The following IFIT2 variants were observed in gnomAD, a reference collection of about 807,000 sequenced individuals.
The protein encoded by IFIT2 is interferon induced protein with tetratricopeptide repeats 2.
IFIT2 carries 3 observed loss-of-function variants against 2.5 expected under a neutral mutation model. That is an observed-to-expected ratio of 1.21 (90% CI 0.55 to 3.14). The LOEUF (loss-of-function observed/expected upper bound fraction) is 3.14, where lower values mean the gene tolerates loss of function less well. IFIT2 is among the 30% of genes most tolerant of loss of function. The pLI is 0.03. For synonymous variants in IFIT2, 212 were observed against 200.7 expected, an observed-to-expected ratio of 1.06 and a Z score of -0.48; for missense variants, 493 against 558.9, an observed-to-expected ratio of 0.88 and a Z score of 1.19.
chr10:89,303,827 A>T (rs1843460961), intron 1 of IFIT2, among the ~76,000 whole-genome samples: 1 of 152,236 alleles, frequency 6.6e-6, no homozygotes, highest in Non-Finnish European at 1.5e-5. Flanking sequence ...AGAGGGAGCA[A>T]GGAAGCTATA....
Position 89,309,055 on chromosome 10 carries a change from G to A in IFIT2, c.*1680G>A, listed in dbSNP as rs535406121. On this transcript the variant is annotated 3_prime_UTR_variant, in exon 2 of 2. Transcript: ENST00000371826. ...GACTGGTCTACTATCATAATCACCT[G>A]AACAGAACAAAACTTTTTCCTCAGC... is the stretch of plus-strand genomic sequence containing the variant. 6.6e-6 allele frequency: 1 copy of A among 152,264 alleles called. No individual in the cohort carries two copies. The highest frequency in any genetic ancestry group is 2.1e-4 in the South Asian group (1 of 4,818). The allele number at this position is 152,264 out of a possible 1,614,324, so 9.4% of individuals were successfully genotyped here. A position where few individuals can be genotyped will look rare whatever the true frequency, so the allele number is the denominator to read the frequency against.
In IFIT2 at chr10:89,308,384, G is replaced by A. The variant is rs1215676590; in HGVS notation, c.*1009G>A. The A allele has an allele frequency of 2.0e-5, 3 of 152,060 alleles. No individual in the cohort carries two copies. Among genetic ancestry groups the A allele is most frequent in the Admixed American group, 6.5e-5 (1 of 15,276 alleles). The allele number at this position is 152,060 out of a possible 1,614,324, so 9.4% of individuals were successfully genotyped here. On this transcript the variant is annotated 3_prime_UTR_variant, in exon 2 of 2. Transcript: ENST00000371826. ...TGCTTTCATGAACCTGGTTTGAGAC[G>A]GTAGGAAAGCAACAAAACGTGGGAA...
Position 89,307,146 on chromosome 10 carries a change from A to G in IFIT2, c.1190A>G (p.Glu397Gly). 1 of 1,614,080 alleles carries G rather than the reference A, an allele frequency of 6.2e-7. No homozygotes were observed. Among genetic ancestry groups the G allele is most frequent in the Non-Finnish European group, 8.5e-7 (1 of 1,179,940 alleles). ...CEDKAIHHFI[E>G]GVKINQKSRE... ...GACAAGGCCATCCACCACTTTATAG[A>G]GGGTGTAAAAATAAACCAGAAATCA... Residue 397 changes from glutamate to glycine, a missense_variant, in exon 2 of 2, where the codon GAG (glutamate) becomes GGG (glycine). Coordinates refer to ENST00000371826, the MANE Select transcript of IFIT2 (RefSeq NM_001547.5).
At chr10:89,302,222 A>C in intron 1 of IFIT2, 94 bp downstream of exon 1, 1 of 1,337,018 alleles carries the variant, frequency 7.5e-7, no homozygotes, top group Non-Finnish European at 1.1e-6. Context: ...GGCCAGCTCC[A>C]TTTTAGTGTT....
rs1177929623 is a variant in IFIT2, at chr10:89,307,145, G to A, written c.1189G>A (p.Glu397Lys). The change falls in exon 2 of 2, where the codon GAG (glutamate) becomes AAG (lysine). Residue 397 changes from glutamate (E) to lysine (K), a missense_variant. Coordinates refer to ENST00000371826, the MANE Select transcript of IFIT2 (RefSeq NM_001547.5). Reference sequence around the variant, plus strand: ...AGACAAGGCCATCCACCACTTTATAGAGGGTGTAAAAATAAACCAGAAATC... The same window carrying A: ...AGACAAGGCCATCCACCACTTTATAAAGGGTGTAAAAATAAACCAGAAATC... The part of the protein sequence containing the change: ...CEDKAIHHFI[E>K]GVKINQKSRE... 2 of 1,614,036 alleles carry A rather than the reference G, an allele frequency of 1.2e-6. No homozygotes were observed. The highest frequency in any genetic ancestry group is 1.7e-6 in the Non-Finnish European group (2 of 1,179,938).
intron 1 of IFIT2, among the ~76,000 whole-genome samples, chr10:89,304,657 T>C (rs1177221907): frequency 6.6e-6 from 1 of 152,112 alleles, no homozygotes; most frequent in Admixed American, 6.5e-5. Flanking sequence ...ACACAGACAG[T>C]GTTGAGAAAT....
Position 89,308,324 on chromosome 10 carries a change from T to A in IFIT2, c.*949T>A, listed in dbSNP as rs1442544167. ...ATTTTAGCCACTATTAGGAATTTTT[T>A]TTTTTTGTAAAATGAAGACTGAACT... On this transcript the variant is annotated 3_prime_UTR_variant, in exon 2 of 2. Coordinates refer to ENST00000371826, the MANE Select transcript of IFIT2 (RefSeq NM_001547.5). 3 of 152,212 alleles carry A rather than the reference T, an allele frequency of 2.0e-5. No homozygotes were observed. In the South Asian group the frequency reaches 6.2e-4, roughly 32 times the overall value. The allele number at this position is 152,212 out of a possible 1,614,324, so 9.4% of individuals were successfully genotyped here.
rs746849892 is a variant in IFIT2 at position 89,306,179 on chromosome 10, C to G, written c.223C>G (p.Arg75Gly). The change falls in exon 2 of 2, where the codon CGT becomes GGT. Residue 75 changes from arginine (R) to glycine (G), a missense_variant. Arg to Gly is a moderately radical substitution (Grantham distance 125). Transcript: ENST00000371826. ...AAACGAGGCAGCCCTGGAATGCTTACGTAAAGCTGAAGAGTTAATCCAGCA... is the reference window on the plus strand; with the variant it reads ...AAACGAGGCAGCCCTGGAATGCTTAGGTAAAGCTGAAGAGTTAATCCAGCA... ...GQNEAALECL[R>G]KAEELIQQEH... The G allele has an allele frequency of 3.7e-6, 6 of 1,613,992 alleles. No individual in the cohort carries two copies. Among genetic ancestry groups the G allele is most frequent in the East Asian group, 4.5e-5 (2 of 44,892 alleles).
In IFIT2 at chr10:89,306,763, G is replaced by T; in HGVS notation, c.807G>T (p.Leu269=). Residue 269 remains leucine, a synonymous_variant, in exon 2 of 2, where the codon CTG becomes CTT. Transcript: ENST00000371826. The part of the protein sequence containing the change: ...RKDEPDKAIE[L]LKKALEYIPN... The stretch of plus-strand genomic sequence containing the variant: ...ATGAGCCAGACAAAGCGATTGAACT[G>T]CTTAAAAAGGCTTTAGAATACATAC... The T allele has an allele frequency of 6.2e-7, 1 of 1,614,114 alleles. No homozygotes were observed. Among genetic ancestry groups the T allele is most frequent in the Non-Finnish European group, 8.5e-7 (1 of 1,179,968 alleles).
rs779333748 is a variant in IFIT2 at position 89,306,633 on chromosome 10, G to A, written c.677G>A (p.Gly226Asp). 1 of 1,614,124 alleles carries A rather than the reference G, an allele frequency of 6.2e-7. No individual in the cohort carries two copies. The highest frequency in any genetic ancestry group is 1.1e-5 in the South Asian group (1 of 91,084). The change falls in exon 2 of 2, where the codon GGT becomes GAT. Residue 226 changes from glycine (G) to aspartate (D), a missense_variant. Physicochemically the swap from Gly to Asp is moderately conservative, Grantham distance 94. Transcript: ENST00000371826. ...ALKLHKMREE[G>D]EEEGEGEKLV... ...AAGCTTCATAAGATGCGTGAAGAAG[G>A]TGAAGAGGAAGGTGAAGGAGAGAAG...
intron 1 of IFIT2, among the ~76,000 whole-genome samples, chr10:89,303,220 G>A (rs1843457189): frequency 6.6e-6 from 1 of 152,126 alleles, no homozygotes; most frequent in Non-Finnish European, 1.5e-5. Context: ...CCCTAAGACA[G>A]TGGTTCTCAA....
rs1256314293 is a variant in IFIT2, at chr10:89,307,249, G to A, written c.1293G>A (p.Glu431=). The change falls in exon 2 of 2, where the codon GAG becomes GAA. Residue 431 remains glutamate, a synonymous_variant. Coordinates refer to ENST00000371826, the MANE Select transcript of IFIT2 (RefSeq NM_001547.5). Reference sequence around the variant, plus strand: ...TTTCTAAAAATGGAGCAGATTCTGAGGCTTTGCATGTCTTGGCATTCCTTC... The same window carrying A: ...TTTCTAAAAATGGAGCAGATTCTGAAGCTTTGCATGTCTTGGCATTCCTTC... ...MRLSKNGADS[E]ALHVLAFLQE... 2.5e-6 allele frequency: 4 copies of A among 1,613,918 alleles called. No homozygotes were observed. The East Asian group carries it at 8.9e-5, about 36-fold the overall frequency.
Position 89,308,782 on chromosome 10 carries a change from C to T in IFIT2, c.*1407C>T, listed in dbSNP as rs1843499319. On this transcript the variant is annotated 3_prime_UTR_variant, in exon 2 of 2. Transcript: ENST00000371826. ...GGTTTTTTAAAGTTAAAAATTCTAA[C>T]CACTGTAACAACAGTTTTTGTGTTA... The T allele has an allele frequency of 1.3e-5, 2 of 152,282 alleles. No homozygotes were observed. Among genetic ancestry groups the T allele is most frequent in the South Asian group, 4.1e-4 (2 of 4,828 alleles). The allele number at this position is 152,282 out of a possible 1,614,324, so 9.4% of individuals were successfully genotyped here.
In IFIT2 at chr10:89,307,182, A is replaced by G; in HGVS notation, c.1226A>G (p.Glu409Gly). The change falls in exon 2 of 2, where the codon GAA becomes GGA. Residue 409 changes from glutamate to glycine, a missense_variant. Glu to Gly is a moderately conservative substitution (Grantham distance 98). Coordinates refer to ENST00000371826, the MANE Select transcript of IFIT2 (RefSeq NM_001547.5). The stretch of plus-strand genomic sequence containing the variant: ...ATAAACCAGAAATCAAGGGAGAAAG[A>G]AAAGATGAAAGACAAACTGCAAAAA... ...VKINQKSREK[E>G]KMKDKLQKIA... The G allele has an allele frequency of 6.2e-7, 1 of 1,614,076 alleles. No individual in the cohort carries two copies. The highest frequency in any genetic ancestry group is 8.5e-7 in the Non-Finnish European group (1 of 1,179,936).
chr10:89,303,244 T>A (rs774907799), intron 1 of IFIT2, among the ~76,000 whole-genome samples: 1 of 152,194 alleles, frequency 6.6e-6, no homozygotes, highest in Non-Finnish European at 1.5e-5. Flanking sequence ...TGAGCATGCA[T>A]AAAAATTGCC....
At chr10:89,304,355 T>C (rs1488375337) in intron 1 of IFIT2, among the ~76,000 whole-genome samples, 3 of 152,136 alleles carry the variant, frequency 2.0e-5, no homozygotes, top group Non-Finnish European at 2.9e-5. Context: ...CAAACAGATC[T>C]GTTTTTATTC....
In IFIT2 at chr10:89,306,792, A is replaced by T; in HGVS notation, c.836A>T (p.Asn279Ile). 6.2e-7 allele frequency: 1 copy of T among 1,614,112 alleles called. No homozygotes were observed. Among genetic ancestry groups the T allele is most frequent in the African/African-American group, 1.3e-5 (1 of 75,062 alleles). ...AAAAAGGCTTTAGAATACATACCAA[A>T]CAATGCCTACCTGCATTGCCAAATT... ...LLKKALEYIP[N>I]NAYLHCQIGC... Residue 279 changes from asparagine (N) to isoleucine (I), a missense_variant, in exon 2 of 2, where the codon AAC becomes ATC. Asn to Ile is a moderately radical substitution (Grantham distance 149, BLOSUM62 -3). Coordinates refer to ENST00000371826, the MANE Select transcript of IFIT2 (RefSeq NM_001547.5).
intron 1 of IFIT2, among the ~76,000 whole-genome samples, chr10:89,303,009 C>CA (rs11420925): frequency 0.36 from 48,176 of 132,018 alleles, 8,600 homozygotes; most frequent in African/African-American, 0.51. Flanking sequence ...TGCCTGATTT[C>CA]AAAAAAAAAA....
chr10:89,306,861 G>A lies in IFIT2; in HGVS notation c.905G>A (p.Arg302Lys). The A allele has an allele frequency of 6.2e-7, 1 of 1,614,058 alleles. No individual in the cohort carries two copies. The highest frequency in any genetic ancestry group is 8.5e-7 in the Non-Finnish European group (1 of 1,179,978). Residue 302 changes from arginine to lysine, a missense_variant, in exon 2 of 2, where the codon AGA becomes AAA. Coordinates refer to ENST00000371826, the MANE Select transcript of IFIT2 (RefSeq NM_001547.5). ...AAAGTCTTCCAAGTAATGAATCTAA[G>A]AGAGAATGGAATGTATGGGAAAAGA... The part of the protein sequence containing the change: ...RAKVFQVMNL[R>K]ENGMYGKRKL...
Sources: gnomAD v4.1 joint callset for allele counts (sites outside exome capture counted in the v4.1 genomes callset) on GRCh38, gnomAD v4.1.1 for gene constraint, MANE v1.5 for transcripts, NCBI Gene and HGNC (gene_info 2026-07-23, HGNC 2026-07-21) for gene names.